The following FHIT variants were observed in gnomAD, a reference collection of about 807,000 sequenced individuals.
The protein encoded by FHIT is bis(5'-adenosyl)-triphosphatase.
In FHIT, 19 loss-of-function variants were observed where a neutral mutation model predicts 17.9. The ratio of observed to expected loss-of-function variants is 1.06; its 90% CI spans 0.74 to 1.56. FHIT has a LOEUF of 1.56. Among genes scored for constraint, FHIT ranks in the 40% most tolerant of loss-of-function variants. The probability of loss-of-function intolerance (pLI) is 0.00; values close to 1 mark genes in which losing one functional copy is unlikely to be tolerated. For synonymous variants in FHIT, 81 were observed against 69.7 expected (o/e 1.16, Z -0.81); for missense variants, 248 against 189.2 (o/e 1.31, Z -1.82).
At chr3:59,871,455 C>A (rs77713346) in intron 8 of FHIT, among the ~76,000 whole-genome samples, 3 of 152,212 alleles carry the variant, frequency 2.0e-5, no homozygotes, top group South Asian at 2.1e-4. Context: ...CCCACCCCCC[C>A]ACACACGCAC....
chr3:60,420,768 G>A (rs1576627846), intron 5 of FHIT, among the ~76,000 whole-genome samples: 1 of 152,262 alleles, frequency 6.6e-6, no homozygotes, highest in East Asian at 1.9e-4. Flanking sequence ...GGTTTGTCAT[G>A]TGTGTTATAA....
At chr3:60,588,762 G>T (rs533795630) in intron 4 of FHIT, among the ~76,000 whole-genome samples, 2 of 152,032 alleles carry the variant, frequency 1.3e-5, no homozygotes, top group African/African-American at 4.8e-5. Flanking sequence ...GATCCTCTTG[G>T]CCTCAGCTTC....
intron 4 of FHIT, among the ~76,000 whole-genome samples, chr3:60,569,743 A>T: frequency 1.3e-5 from 1 of 74,584 alleles, no homozygotes; most frequent in Non-Finnish European, 2.6e-5. Flanking sequence ...ATATATATAT[A>T]TATATATATA....
At chr3:59,808,960 G>A (rs545650243) in intron 8 of FHIT, among the ~76,000 whole-genome samples, 8 of 152,164 alleles carry the variant, frequency 5.3e-5, no homozygotes, top group African/African-American at 1.9e-4. Flanking sequence ...AAAGCAGAGA[G>A]GAAACCCACG....
chr3:60,466,801 T>C (rs1482774808), intron 5 of FHIT, among the ~76,000 whole-genome samples: 1 of 150,458 alleles, frequency 6.6e-6, no homozygotes. Context: ...GCATCTATAT[T>C]CATCAGGGTT....
chr3:59,815,318 T>A (rs537485937), intron 8 of FHIT, among the ~76,000 whole-genome samples: 14 of 152,284 alleles, frequency 9.2e-5, no homozygotes, highest in Admixed American at 7.8e-4. Flanking sequence ...GAAAACAGTG[T>A]GGAGATTCCT....
chr3:60,905,078 A>G, intron 3 of FHIT, among the ~76,000 whole-genome samples: 1 of 152,186 alleles, frequency 6.6e-6, no homozygotes, highest in East Asian at 1.9e-4. Flanking sequence ...AGAAAAGCAA[A>G]TTAAAACTAC....
At chr3:60,288,133 C>T (rs867413690) in intron 5 of FHIT, among the ~76,000 whole-genome samples, 7 of 152,092 alleles carry the variant, frequency 4.6e-5, no homozygotes, top group African/African-American at 1.4e-4. Flanking sequence ...TGGAAGTTGG[C>T]GCTGGCTGTT....
At chr3:60,729,151 A>G (rs2041977027) in intron 4 of FHIT, among the ~76,000 whole-genome samples, 1 of 152,250 alleles carries the variant, frequency 6.6e-6, no homozygotes, top group East Asian at 1.9e-4. Context: ...CAAAAATAAA[A>G]TAGCGGCTGT....
chr3:60,911,241 T>C (rs905736485), intron 3 of FHIT, among the ~76,000 whole-genome samples: 5 of 152,346 alleles, frequency 3.3e-5, no homozygotes, highest in African/African-American at 7.2e-5. Flanking sequence ...AAGGATTAAG[T>C]TGGCACCACA....
At chr3:61,216,718 A>C (rs1213457331) in intron 1 of FHIT, among the ~76,000 whole-genome samples, 2 of 152,214 alleles carry the variant, frequency 1.3e-5, no homozygotes, top group African/African-American at 2.4e-5. Context: ...AGCACTATTC[A>C]CAATAGCAAA....
chr3:60,273,130 CT>C (rs1379125591), intron 5 of FHIT, among the ~76,000 whole-genome samples: 1 of 152,122 alleles, frequency 6.6e-6, no homozygotes, highest in Non-Finnish European at 1.5e-5. Flanking sequence ...AAATAATTTG[CT>C]TAGACAGGAA....
chr3:60,062,676 AAAAC>A (rs1357720434), intron 5 of FHIT, among the ~76,000 whole-genome samples: 2 of 152,182 alleles, frequency 1.3e-5, no homozygotes, highest in African/African-American at 2.4e-5. Context: ...AACAGAAACA[AAAAC>A]AAACAGAAAC....
At chr3:60,935,096 T>C (rs543557869) in intron 3 of FHIT, among the ~76,000 whole-genome samples, 4 of 152,140 alleles carry the variant, frequency 2.6e-5, no homozygotes, top group Non-Finnish European at 4.4e-5. Flanking sequence ...CCATAAAAGC[T>C]GAACTCAATA....
intron 8 of FHIT, among the ~76,000 whole-genome samples, chr3:59,861,936 G>A (rs1702423440): frequency 6.6e-6 from 1 of 151,802 alleles, no homozygotes; most frequent in Non-Finnish European, 1.5e-5. Flanking sequence ...TTTCCCCAAA[G>A]GATTATGTGA....
chr3:60,336,031 C>G (rs1710222694), intron 5 of FHIT, among the ~76,000 whole-genome samples: 2 of 152,134 alleles, frequency 1.3e-5, no homozygotes, highest in African/African-American at 4.8e-5. Flanking sequence ...CAGATAACAA[C>G]AGCTGTTGGC....
chr3:60,184,896 G>A (rs1702095564), intron 5 of FHIT, among the ~76,000 whole-genome samples: 2 of 151,910 alleles, frequency 1.3e-5, no homozygotes, highest in South Asian at 2.1e-4. Flanking sequence ...TGTTCGAAGC[G>A]ACCCATCTTT....
intron 1 of FHIT, among the ~76,000 whole-genome samples, chr3:61,209,698 T>C (rs1181288219): frequency 6.6e-6 from 1 of 152,352 alleles, no homozygotes; most frequent in East Asian, 1.9e-4. Flanking sequence ...TTGGTTATTC[T>C]AGTTAGCCAT....
chr3:61,167,153 A>G (rs909643237), intron 2 of FHIT: 1 of 152,166 alleles, frequency 6.6e-6, no homozygotes, highest in Non-Finnish European at 1.5e-5. Context: ...CGGATTATCT[A>G]CTTTAACATG....
Sources: allele counts gnomAD v4.1 joint callset (sites outside exome capture counted in the v4.1 genomes callset), GRCh38; gene constraint gnomAD v4.1.1; transcripts MANE v1.5; gene names NCBI Gene and HGNC (gene_info 2026-07-23, HGNC 2026-07-21).